BDP1: variants seen among roughly 807,000 people sequenced by gnomAD.
The protein encoded by BDP1 is transcription factor TFIIIB component B'' homolog.
Under a neutral mutation model 266.6 loss-of-function variants are expected in BDP1, and 169 were observed. The ratio of observed to expected loss-of-function variants is 0.63; its 90% confidence interval spans 0.56 to 0.72. The LOEUF is 0.72. BDP1 is among the 30% of genes least tolerant of loss of function. The probability of loss-of-function intolerance (pLI) is 0.00; values close to 1 mark genes in which losing one functional copy is unlikely to be tolerated. For synonymous variants in BDP1, 1,090 were observed against 1,022.4 expected, an observed-to-expected ratio of 1.07 and a Z score of -1.26; for missense variants, 3,015 against 3,053.8, an observed-to-expected ratio of 0.99 and a Z score of 0.30.
chr5:71,557,375 A>ATTT (rs55810132), intron 36 of BDP1, among the ~76,000 whole-genome samples: 24,010 of 101,408 alleles, frequency 0.24, 5,201 homozygotes, highest in Non-Finnish European at 0.3. Context: ...TGCCAAGCTA[A>ATTT]TTTTTTTTTT....
At chr5:71,496,459 A>G (rs1273340453) in intron 12 of BDP1, among the ~76,000 whole-genome samples, 2 of 77,178 alleles carry the variant, frequency 2.6e-5, no homozygotes, top group Non-Finnish European at 6.3e-5. Context: ...TTTTTTTGAG[A>G]CAGGGTTGCA....
intron 38 of BDP1, chr5:71,562,771 C>T: frequency 7.2e-7 from 1 of 1,384,166 alleles, no homozygotes; most frequent in South Asian, 1.2e-5. Flanking sequence ...TTCCTTTAAT[C>T]TAGAGACCCT....
chr5:71,490,148 G>T (rs1763501816), intron 10 of BDP1, among the ~76,000 whole-genome samples: 1 of 152,084 alleles, frequency 6.6e-6, no homozygotes, highest in Non-Finnish European at 1.5e-5. Context: ...GAGTTGCTTG[G>T]GGATGAGGGC....
chr5:71,508,345 C>G (rs1259198599), intron 16 of BDP1, among the ~76,000 whole-genome samples: 1 of 151,940 alleles, frequency 6.6e-6, no homozygotes, highest in Non-Finnish European at 1.5e-5. Flanking sequence ...GCTCTCTTGC[C>G]CAATCTGGAG....
chr5:71,524,291 G>C lies in BDP1; in HGVS notation c.5740G>C (p.Val1914Leu). Residue 1914 changes from valine to leucine, a missense_variant, in exon 25 of 39, where the codon GTT becomes CTT. Coordinates refer to ENST00000358731, the MANE Select transcript of BDP1 (RefSeq NM_018429.3). ...TGTTGGTCTCAGATCTCCTGAACCT[G>C]TTTCTGCTCAGATTGAGGAAACAAT... is the stretch of plus-strand genomic sequence containing the variant. The part of the protein sequence containing the change: ...VPVGLRSPEP[V>L]SAQIEETMEE... 1 of 1,599,930 alleles carries C rather than the reference G, an allele frequency of 6.3e-7. No homozygotes were observed. The highest frequency in any genetic ancestry group is 1.7e-5 in the Admixed American group (1 of 59,478).
chr5:71,458,591 T>C lies in BDP1; in HGVS notation c.225T>C (p.Thr75=). 6.2e-7 allele frequency: 1 copy of C among 1,611,018 alleles called. No individual in the cohort carries two copies. Among genetic ancestry groups the C allele is most frequent in the Admixed American group, 1.7e-5 (1 of 59,486 alleles). The part of the protein sequence containing the change: ...EKAPRSSTEK[T]GGDNDVEESS... Reference sequence around the variant, plus strand: ...TTAATTTCAACAGTACTGAAAAGACTGGTGGTGACAATGATGTTGAAGAAT... The same window carrying C: ...TTAATTTCAACAGTACTGAAAAGACCGGTGGTGACAATGATGTTGAAGAAT... The change falls in exon 2 of 39, where the codon ACT becomes ACC. Residue 75 remains threonine (T), a synonymous_variant. Transcript: ENST00000358731.
rs115447335 is a variant in BDP1, at chr5:71,486,851, C to G, written c.1213+224C>G. On this transcript the variant is annotated intron_variant, in intron 9 of 38. Coordinates refer to ENST00000358731, the MANE Select transcript of BDP1 (RefSeq NM_018429.3). ...CGTGATTGGGTTATTTGATATCTCT[C>G]TAGCATAGAGGATAGTTGTAGCCAG... Among the ~76,000 whole-genome samples, 2,338 of 152,222 alleles carry G rather than the reference C, an allele frequency of 0.015. 44 individuals are homozygous for G. Among genetic ancestry groups the G allele is most frequent in the Non-Finnish European group, 0.019 (1,317 of 68,010 alleles).
At position 71,545,104 on chromosome 5, in the gene BDP1, C is replaced by T; in HGVS notation, c.6629C>T (p.Ser2210Phe). ...TTGTCAGTTGCTCCAGTTGCTTCCT[C>T]TGAGACAGGGCCCTGCACACTTGGT... ...HMLSVAPVASSETGPCTLGLD... is the reference protein window; with the variant it reads ...HMLSVAPVASFETGPCTLGLD... Residue 2210 changes from serine to phenylalanine, a missense_variant, in exon 32 of 39, where the codon TCT becomes TTT. Around this residue, in one of 3 missense-constraint regions of BDP1, gnomAD observed 629 missense variants for 632.5 expected, o/e 0.99. Coordinates refer to ENST00000358731, the MANE Select transcript of BDP1 (RefSeq NM_018429.3). The T allele has an allele frequency of 6.2e-7, 1 of 1,613,732 alleles. No individual in the cohort carries two copies. The highest frequency in any genetic ancestry group is 8.5e-7 in the Non-Finnish European group (1 of 1,179,862).
Position 71,514,924 on chromosome 5 carries a change from A to AT in BDP1, c.4471-12dup. On this transcript the variant is annotated intron_variant, in intron 19 of 38. Transcript: ENST00000358731. ...TATACTTTTAGCAACTGTGAATGAA[A>AT]TTTTTTTTCTGTCTTCTAGGATGAA... The AT allele has an allele frequency of 8.3e-6, 13 of 1,558,276 alleles. No individual in the cohort carries two copies. The highest frequency in any genetic ancestry group is 4.6e-5 in the East Asian group (2 of 43,538).
chr5:71,575,907 A>G, the BDP1 span, among the ~76,000 whole-genome samples: 2 of 152,220 alleles, frequency 1.3e-5, no homozygotes, highest in Non-Finnish European at 2.9e-5. Context: ...TCAATTATTC[A>G]GAGAAGTAAA....
chr5:71,459,205 AT>A (rs1579968180), intron 2 of BDP1, among the ~76,000 whole-genome samples: 1 of 152,184 alleles, frequency 6.6e-6, no homozygotes, highest in South Asian at 2.1e-4. Flanking sequence ...TAAGTGATAT[AT>A]TTATTTGAAT....
At chr5:71,572,032 T>G (rs1307544913), downstream of BDP1, among the ~76,000 whole-genome samples, 1 of 152,214 alleles carries the variant, frequency 6.6e-6, no homozygotes, top group Non-Finnish European at 1.5e-5. Context: ...CCAGAAAGTT[T>G]GCTGAGGGCC....
rs534506949 is a variant in BDP1, at chr5:71,480,255, C to T, written c.1015-3587C>T. Among the ~76,000 whole-genome samples, 515 of 143,390 alleles carry T rather than the reference C, an allele frequency of 3.6e-3. 3 individuals are homozygous for T. The highest frequency in any genetic ancestry group is 0.012 in the African/African-American group (463 of 38,654). The allele number at this position is 143,390 out of a possible 152,430, so 94.1% of individuals were successfully genotyped here. ...CTTCCCAAGTAGCTGGGACTACAGG[C>T]GCGCACCACCATGCCCAGCTAATTT... On this transcript the variant is annotated intron_variant, in intron 7 of 38. Coordinates refer to ENST00000358731, the MANE Select transcript of BDP1 (RefSeq NM_018429.3).
intron 34 of BDP1, among the ~76,000 whole-genome samples, chr5:71,551,271 T>G (rs573975106): frequency 1.3e-5 from 2 of 152,284 alleles, no homozygotes; most frequent in East Asian, 1.9e-4. Context: ...CTTCCGCTGT[T>G]TTTGTGTCCC....
intron 38 of BDP1, chr5:71,562,914 A>T (rs965064872): frequency 7.9e-7 from 1 of 1,273,802 alleles, no homozygotes; most frequent in Non-Finnish European, 1.0e-6. Flanking sequence ...TGGGATGGAA[A>T]ACTCTGTAAA....
chr5:71,533,333 A>G (rs893361697), intron 26 of BDP1, among the ~76,000 whole-genome samples: 4 of 152,138 alleles, frequency 2.6e-5, no homozygotes, highest in African/African-American at 9.7e-5. Flanking sequence ...TCTATGTTTC[A>G]TCAGTTGAGG....
Position 71,562,273 on chromosome 5 carries a change from G to C in BDP1, c.7497-1G>C, listed in dbSNP as rs1445818916. On this transcript the variant is annotated splice_acceptor_variant, in intron 37 of 38. Transcript: ENST00000358731. LOFTEE classifies it high-confidence loss of function. ...GAATATCGTTACATTTGTATTTCTA[G>C]ACCTGGCAGAAGACCCCTGGGATTT... 3.2e-6 allele frequency: 5 copies of C among 1,545,050 alleles called. No homozygotes were observed. Among genetic ancestry groups the C allele is most frequent in the South Asian group, 1.2e-5 (1 of 86,928 alleles).
chr5:71,553,072 A>C, intron 34 of BDP1, 44 bp from the exon 35 acceptor site: 1 of 1,444,960 alleles, frequency 6.9e-7, no homozygotes, highest in Non-Finnish European at 9.5e-7. Flanking sequence ...AGTGTTAAAT[A>C]ACTTCTAATT....
At position 71,515,051 on chromosome 5, in the gene BDP1, A is replaced by G. The variant is rs199669834; in HGVS notation, c.4578A>G (p.Ser1526=). 3,536 of 1,613,182 alleles carry G rather than the reference A, an allele frequency of 2.2e-3. 6 individuals are homozygous for G. Among genetic ancestry groups the G allele is most frequent in the Non-Finnish European group, 2.8e-3 (3,273 of 1,179,620 alleles). The change falls in exon 20 of 39, where the codon TCA becomes TCG. Residue 1526 remains serine (S), a synonymous_variant. Transcript: ENST00000358731. ...CTQTERNLSP[S]NSCEPKEESQ... ...AGACTGAAAGGAACCTTTCACCTTC[A>G]AATTCTTGTGAACCTAAAGAGGAGT...
Sources: gnomAD v4.1 joint callset for allele counts (sites outside exome capture counted in the v4.1 genomes callset) on GRCh38, gnomAD v4.1.1 for gene constraint, gnomAD v4.1.1 regional missense constraint, MANE v1.5 for transcripts, NCBI Gene and HGNC (gene_info 2026-07-23, HGNC 2026-07-21) for gene names.